Variants in DYM observed in about 807,000 individuals in gnomAD.
DYM encodes the protein dyggve-Melchior-Clausen syndrome protein.
Under a neutral mutation model 93.1 loss-of-function variants are expected in DYM, and 78 were observed. The observed-to-expected ratio is 0.84, with a 90% CI of 0.70 to 1.01. DYM has a LOEUF of 1.01. Ranked by LOEUF, DYM falls within the 50% of genes least tolerant of loss-of-function variation. The pLI, the probability that DYM is intolerant of heterozygous loss-of-function variation, is 0.00. For missense variants in DYM, 789 were observed against 845.0 expected, an observed-to-expected ratio of 0.93 and a Z score of 0.82; for synonymous variants, 321 against 319.7, an observed-to-expected ratio of 1.00 and a Z score of -0.04.
At chr18:49,346,698 T>C (rs1301381416) in intron 6 of DYM, among the ~76,000 whole-genome samples, 1 of 152,148 alleles carries the variant, frequency 6.6e-6, no homozygotes, top group Non-Finnish European at 1.5e-5. Flanking sequence ...TTCTATATAG[T>C]GTACAACAAC....
At chr18:49,180,547 A>C (rs1033335191) in intron 14 of DYM, among the ~76,000 whole-genome samples, 2 of 152,164 alleles carry the variant, frequency 1.3e-5, no homozygotes, top group African/African-American at 4.8e-5. Flanking sequence ...AAATGATTGT[A>C]AATTTTAACC....
At chr18:49,055,141 AG>A (rs1009986342) in intron 17 of DYM, among the ~76,000 whole-genome samples, 7 of 152,102 alleles carry the variant, frequency 4.6e-5, no homozygotes, top group Non-Finnish European at 1.0e-4. Context: ...TTGTGGAGAC[AG>A]GGCTGGGGTG....
In DYM at chr18:49,192,095, A is replaced by ATT. The variant is rs55967928; in HGVS notation, c.1625+17454_1625+17455dup. Among the ~76,000 whole-genome samples, 77 of 68,324 alleles carry ATT rather than the reference A, an allele frequency of 1.1e-3. 1 individual carries two copies. Among genetic ancestry groups the ATT allele is most frequent in the African/African-American group, 3.4e-3 (60 of 17,476 alleles). 44.8% of individuals were successfully genotyped at this position (68,324 alleles called of 152,430 possible). A position where few individuals can be genotyped will look rare whatever the true frequency, so the allele number is the denominator to read the frequency against. On this transcript the variant is annotated intron_variant, in intron 14 of 17. Coordinates refer to ENST00000675505, the MANE Select transcript of DYM (RefSeq NM_001353214.3). Reference sequence around the variant, plus strand: ...ACATATGTGCCACCATGCCTGGCTAATTTTTTTTTTTTTTTTTTTTTTTTT... The same window carrying ATT: ...ACATATGTGCCACCATGCCTGGCTAATTTTTTTTTTTTTTTTTTTTTTTTTTT...
chr18:49,412,494 G>C (rs889103267), intron 2 of DYM, among the ~76,000 whole-genome samples: 3 of 152,162 alleles, frequency 2.0e-5, no homozygotes, highest in South Asian at 4.1e-4. Context: ...TGAACTTCTT[G>C]TGGTCCCTCA....
At chr18:49,245,244 A>T (rs1473964824) in intron 13 of DYM, among the ~76,000 whole-genome samples, 1 of 152,240 alleles carries the variant, frequency 6.6e-6, no homozygotes, top group East Asian at 1.9e-4. Context: ...TTTGTAAAAC[A>T]TGTATTTGAA....
At chr18:49,218,817 T>C (rs1260953208) in intron 13 of DYM, among the ~76,000 whole-genome samples, 1 of 152,044 alleles carries the variant, frequency 6.6e-6, no homozygotes, top group Non-Finnish European at 1.5e-5. Context: ...AGATCCAAAA[T>C]TGACACCCTA....
At chr18:49,276,439 T>C (rs1042955578) in intron 10 of DYM, among the ~76,000 whole-genome samples, 3 of 152,102 alleles carry the variant, frequency 2.0e-5, no homozygotes, top group South Asian at 2.1e-4. Context: ...ATATGGTATA[T>C]AATTACTTTT....
chr18:49,454,672 G>A (rs548125139), intron 1 of DYM, among the ~76,000 whole-genome samples: 8 of 151,996 alleles, frequency 5.3e-5, no homozygotes, highest in South Asian at 4.2e-4. Context: ...GGCCGAGGCC[G>A]GTGGATCACG....
chr18:49,455,625 T>A (rs761392357), intron 1 of DYM, among the ~76,000 whole-genome samples: 2 of 152,138 alleles, frequency 1.3e-5, no homozygotes, highest in Non-Finnish European at 2.9e-5. Flanking sequence ...TCAAAAAGTA[T>A]GTAGGTTAGT....
At chr18:49,208,272 C>T (rs1016397674) in intron 14 of DYM, among the ~76,000 whole-genome samples, 8 of 151,982 alleles carry the variant, frequency 5.3e-5, no homozygotes, top group African/African-American at 1.9e-4. Context: ...CAGTTCTCCT[C>T]ATTCCTTGAA....
intron 6 of DYM, among the ~76,000 whole-genome samples, chr18:49,343,612 C>T (rs75775034): frequency 0.08 from 12,204 of 152,198 alleles, 776 homozygotes; most frequent in East Asian, 0.31. Flanking sequence ...GTATCCCTAG[C>T]ACCTAAAACA....
At chr18:49,085,613 T>TTTTTTTTTTG (rs2078444808) in intron 17 of DYM, among the ~76,000 whole-genome samples, 1 of 143,460 alleles carries the variant, frequency 7.0e-6, no homozygotes, top group Non-Finnish European at 1.5e-5. Flanking sequence ...GTCCTTTTTT[T>TTTTTTTTTTG]TTTTTTTTTT....
At chr18:49,238,261 C>G (rs1977951) in intron 13 of DYM, among the ~76,000 whole-genome samples, 150,853 of 152,186 alleles carry the variant, frequency 0.99, 74,767 homozygotes, top group Middle Eastern at 1. Flanking sequence ...TCTTATTAGA[C>G]TTAAACTGTG....
In DYM at chr18:49,194,743, CA is replaced by C. The variant is rs528099464; in HGVS notation, c.1625+14807del. ...CTTAACAATACTCTCATAAGTAACA[CA>C]AAAAAATATTTTAAAAATATTTCCA... On this transcript the variant is annotated intron_variant, in intron 14 of 17. Coordinates refer to ENST00000675505, the MANE Select transcript of DYM (RefSeq NM_001353214.3). Among the ~76,000 whole-genome samples, 22 of 151,250 alleles carry C rather than the reference CA, an allele frequency of 1.5e-4. No individual in the cohort carries two copies. In the South Asian group the frequency reaches 2.1e-3, roughly 14 times the overall value.
At chr18:49,061,435 A>G (rs1489181899) in intron 17 of DYM, among the ~76,000 whole-genome samples, 1 of 152,202 alleles carries the variant, frequency 6.6e-6, no homozygotes, top group Non-Finnish European at 1.5e-5. Flanking sequence ...GGGGAATGTG[A>G]AAATAGCTTG....
intron 17 of DYM, among the ~76,000 whole-genome samples, chr18:49,060,647 G>A (rs1413298372): frequency 1.0e-5 from 1 of 96,050 alleles, no homozygotes; most frequent in Non-Finnish European, 2.2e-5. Flanking sequence ...GAGGGGGAGA[G>A]GGGGAGAGGG....
chr18:49,305,944 AAT>A (rs768078754), intron 8 of DYM, among the ~76,000 whole-genome samples: 47 of 152,246 alleles, frequency 3.1e-4, no homozygotes, highest in Non-Finnish European at 6.6e-4. Flanking sequence ...CACCTTACTT[AAT>A]CACTTACTTA....
At chr18:49,339,940 TTTG>T (rs2063974056) in intron 6 of DYM, among the ~76,000 whole-genome samples, 1 of 144,846 alleles carries the variant, frequency 6.9e-6, no homozygotes, top group Non-Finnish European at 1.5e-5. Flanking sequence ...TTTGGGGTTT[TTTG>T]TTTGTTTGTT....
intron 13 of DYM, among the ~76,000 whole-genome samples, chr18:49,250,813 T>C (rs2094269882): frequency 6.6e-6 from 1 of 152,220 alleles, no homozygotes; most frequent in Non-Finnish European, 1.5e-5. Flanking sequence ...GCGATATAGC[T>C]GTGAAAGAGC....
Sources: gnomAD v4.1 joint callset for allele counts (sites outside exome capture counted in the v4.1 genomes callset) on GRCh38, gnomAD v4.1.1 for gene constraint, MANE v1.5 for transcripts, NCBI Gene and HGNC (gene_info 2026-07-23, HGNC 2026-07-21) for gene names.